KCNN2: variants seen among roughly 807,000 people sequenced by gnomAD.
KCNN2 encodes the protein small conductance calcium-activated potassium channel protein 2.
KCNN2 carries 24 observed loss-of-function variants against 55.5 expected under a neutral mutation model. The observed-to-expected ratio is 0.43, with a 90% confidence interval of 0.31 to 0.61. The LOEUF (loss-of-function observed/expected upper bound fraction) is 0.61. KCNN2 is among the 20% of genes least tolerant of loss of function. KCNN2 has a pLI of 0.08. For synonymous variants in KCNN2, 431 were observed against 336.1 expected, an observed-to-expected ratio of 1.28 and a Z score of -3.09; for missense variants, 754 against 853.6, an observed-to-expected ratio of 0.88 and a Z score of 1.45.
At chr5:114,467,118 C>CA (rs1342463267) in intron 4 of KCNN2, among the ~76,000 whole-genome samples, 7 of 152,184 alleles carry the variant, frequency 4.6e-5, no homozygotes, top group African/African-American at 1.7e-4. Flanking sequence ...ATGGTGACTC[C>CA]ATTAGTTGTC....
chr5:114,169,940 A>G (rs1044338008), intron 1 of KCNN2, among the ~76,000 whole-genome samples: 2 of 152,114 alleles, frequency 1.3e-5, no homozygotes, highest in Admixed American at 6.6e-5. Flanking sequence ...CTTATTATCC[A>G]GCACCTTAGT....
intron 3 of KCNN2, among the ~76,000 whole-genome samples, chr5:114,456,830 G>A (rs979511981): frequency 6.6e-6 from 1 of 152,172 alleles, no homozygotes; most frequent in African/African-American, 2.4e-5. Context: ...ATTAATAGAA[G>A]TAGAGCCTGA....
At chr5:114,157,027 TAA>T (rs1416445318) in intron 1 of KCNN2, among the ~76,000 whole-genome samples, 2 of 151,940 alleles carry the variant, frequency 1.3e-5, no homozygotes, top group Non-Finnish European at 2.9e-5. Flanking sequence ...TATTATACTT[TAA>T]GTTTTAGGGT....
At chr5:114,469,732 A>G (rs1379076607) in intron 4 of KCNN2, among the ~76,000 whole-genome samples, 1 of 152,220 alleles carries the variant, frequency 6.6e-6, no homozygotes, top group Non-Finnish European at 1.5e-5. Context: ...TTAAATTACT[A>G]TAACCATGAA....
rs1287389418 is a variant in KCNN2 at position 114,123,531 on chromosome 5, T to G, written c.-271+67031T>G. Among the ~76,000 whole-genome samples the G allele has an allele frequency of 6.7e-5, 8 of 118,630 alleles. 1 individual carries two copies. The highest frequency in any genetic ancestry group is 3.0e-4 in the African/African-American group (8 of 26,258). 77.8% of individuals were successfully genotyped at this position (118,630 alleles called of 152,430 possible). A position where few individuals can be genotyped will look rare whatever the true frequency, so the allele number is the denominator to read the frequency against. On this transcript the variant is annotated intron_variant, in intron 1 of 10. Coordinates refer to the KCNN2 transcript ENST00000512097. ...GCGCCCGCCACCACGCCCGGCTAAT[T>G]TTTTGTGTTTTTTAGTAGAGACGGG...
chr5:114,377,269 G>A (rs974315676), intron 2 of KCNN2, among the ~76,000 whole-genome samples: 1 of 152,050 alleles, frequency 6.6e-6, no homozygotes, highest in Admixed American at 6.5e-5. Context: ...AACATCTGCT[G>A]TGTTTTGAGA....
rs572752515 is a variant in KCNN2, at chr5:114,365,020, G to T, written c.1218+1019G>T. Reference sequence around the variant, plus strand: ...GCCTTTCAATTTAAAATCTTATATAGGATTTGCCTTTGAAGTAATTTAGTA... The same window carrying T: ...GCCTTTCAATTTAAAATCTTATATATGATTTGCCTTTGAAGTAATTTAGTA... On this transcript the variant is annotated intron_variant, in intron 2 of 7. Coordinates refer to ENST00000673685, the MANE Select transcript of KCNN2 (RefSeq NM_021614.4). Among the ~76,000 whole-genome samples the T allele has an allele frequency of 1.4e-4, 21 of 151,600 alleles. No homozygotes were observed. The South Asian group carries it at 3.1e-3, about 23-fold the overall frequency.
intron 5 of KCNN2, among the ~76,000 whole-genome samples, chr5:114,484,587 C>T (rs1762368683): frequency 6.6e-6 from 1 of 152,062 alleles, no homozygotes; most frequent in Non-Finnish European, 1.5e-5. Flanking sequence ...TGCCTTTGAC[C>T]CTGTCTTCTC....
At chr5:114,073,746 G>A (rs1195309012) in intron 1 of KCNN2, among the ~76,000 whole-genome samples, 2 of 152,314 alleles carry the variant, frequency 1.3e-5, no homozygotes, top group Admixed American at 6.5e-5. Flanking sequence ...CTAGTATAGT[G>A]CCTGATCCAC....
chr5:114,341,063 C>G (rs191350426), intron 2 of KCNN2, among the ~76,000 whole-genome samples: 1 of 152,138 alleles, frequency 6.6e-6, no homozygotes, highest in South Asian at 2.1e-4. Context: ...TATGTATATA[C>G]CACATTTTCT....
intron 2 of KCNN2, among the ~76,000 whole-genome samples, chr5:114,268,122 C>T: frequency 6.6e-6 from 1 of 152,220 alleles, no homozygotes; most frequent in East Asian, 1.9e-4. Context: ...TGCACACTCA[C>T]CAAAGCTCAT....
At chr5:114,447,099 T>A (rs1016381181) in intron 3 of KCNN2, among the ~76,000 whole-genome samples, 1 of 152,218 alleles carries the variant, frequency 6.6e-6, no homozygotes, top group Non-Finnish European at 1.5e-5. Context: ...GTGCAGCTCC[T>A]ATTTCCTTTT....
rs147139065 is a variant in KCNN2 at position 114,476,639 on chromosome 5, T to C, written c.1890+3475T>C. Reference sequence around the variant, plus strand: ...TTTCTCCATGTTGGTCAGGCTGGTCTGGAACTCCCGACCTCAGGTGATCCG... The same window carrying C: ...TTTCTCCATGTTGGTCAGGCTGGTCCGGAACTCCCGACCTCAGGTGATCCG... On this transcript the variant is annotated intron_variant, in intron 5 of 7. Transcript: ENST00000673685. 1.7e-3 allele frequency among the ~76,000 whole-genome samples: 253 copies of C among 152,222 alleles called. 2 individuals carry two copies. Among genetic ancestry groups the C allele is most frequent in the African/African-American group, 6.0e-3 (249 of 41,548 alleles).
At chr5:114,492,072 G>A (rs1747884960) in intron 6 of KCNN2, among the ~76,000 whole-genome samples, 1 of 152,104 alleles carries the variant, frequency 6.6e-6, no homozygotes, top group South Asian at 2.1e-4. Context: ...GTCACAATGA[G>A]AAGTTATAAC....
chr5:114,416,388 G>A (rs935908654), intron 3 of KCNN2, among the ~76,000 whole-genome samples: 3 of 152,140 alleles, frequency 2.0e-5, no homozygotes, highest in African/African-American at 7.2e-5. Context: ...GAAAAACCAA[G>A]CTCCTCCGTC....
intron 5 of KCNN2, among the ~76,000 whole-genome samples, chr5:114,485,621 C>T (rs765599009): frequency 3.9e-5 from 6 of 152,114 alleles, no homozygotes; most frequent in Non-Finnish European, 5.9e-5. Flanking sequence ...GTTACTTATA[C>T]GCAGTGCTGG....
intron 2 of KCNN2, among the ~76,000 whole-genome samples, chr5:114,374,090 C>T (rs1322384998): frequency 6.6e-6 from 1 of 152,014 alleles, no homozygotes; most frequent in Non-Finnish European, 1.5e-5. Context: ...GTTAGGCTGA[C>T]AGTTTGCACC....
At chr5:114,379,306 A>G (rs896955719) in intron 2 of KCNN2, among the ~76,000 whole-genome samples, 4 of 151,840 alleles carry the variant, frequency 2.6e-5, no homozygotes, top group Non-Finnish European at 5.9e-5. Flanking sequence ...TGTCCTTGGC[A>G]TTACCTTTGC....
chr5:114,387,739 C>A (rs933198986), intron 2 of KCNN2, among the ~76,000 whole-genome samples: 1 of 152,144 alleles, frequency 6.6e-6, no homozygotes, highest in Non-Finnish European at 1.5e-5. Context: ...AAGAAAGGCT[C>A]TATCTACATC....
Sources: allele counts gnomAD v4.1 joint callset (sites outside exome capture counted in the v4.1 genomes callset), GRCh38; gene constraint gnomAD v4.1.1; transcripts MANE v1.5; gene names NCBI Gene and HGNC (gene_info 2026-07-23, HGNC 2026-07-21).